Variants in PITPNC1 observed in about 807,000 individuals in gnomAD.
PITPNC1 encodes the protein phosphatidylinositol transfer protein cytoplasmic 1.
In PITPNC1, 18 loss-of-function variants were observed where a neutral mutation model predicts 44.7. The observed-to-expected ratio is 0.40, with a 90% CI of 0.28 to 0.60. The LOEUF (loss-of-function observed/expected upper bound fraction) is 0.60, where lower values mean the gene tolerates loss of function less well. PITPNC1 is among the 20% of genes least tolerant of loss of function. PITPNC1 has a pLI of 0.39. For synonymous variants in PITPNC1, 141 were observed against 149.6 expected (o/e 0.94, Z 0.42); for missense variants, 290 against 418.4 (o/e 0.69, Z 2.68).
At position 67,406,174 on chromosome 17, in the gene PITPNC1, C is replaced by T. The variant is rs570478810; in HGVS notation, c.48+27972C>T. Among the ~76,000 whole-genome samples the T allele has an allele frequency of 3.3e-5, 5 of 152,152 alleles. No individual in the cohort carries two copies. In the East Asian group the frequency reaches 7.8e-4, roughly 24 times the overall value. On this transcript the variant is annotated intron_variant, in intron 1 of 8. Coordinates refer to ENST00000581322, the MANE Select transcript of PITPNC1 (RefSeq NM_012417.4). ...TGGAGAATGGGTCTTGCTATGTTGC[C>T]GGGCTGGAGTACAGTGGCTTTTCAC...
intron 1 of PITPNC1, among the ~76,000 whole-genome samples, chr17:67,498,758 T>G (rs2039988725): frequency 6.6e-6 from 1 of 152,212 alleles, no homozygotes; most frequent in Non-Finnish European, 1.5e-5. Context: ...TGAGGTGATA[T>G]CCCATTGTGG....
intron 5 of PITPNC1, among the ~76,000 whole-genome samples, chr17:67,628,350 A>T (rs140848607): frequency 9.3e-4 from 142 of 152,270 alleles, no homozygotes; most frequent in Non-Finnish European, 1.6e-3. Flanking sequence ...AGCACTTTGT[A>T]TGCAATGGGT....
intron 1 of PITPNC1, among the ~76,000 whole-genome samples, chr17:67,392,433 G>A (rs371602531): frequency 2.0e-5 from 3 of 152,050 alleles, no homozygotes; most frequent in East Asian, 3.9e-4. Flanking sequence ...TAAAGAGACC[G>A]GGGTCTCGCC....
Position 67,552,241 on chromosome 17 carries a change from C to G in PITPNC1, c.198-16C>G, listed in dbSNP as rs774906366. 5.7e-6 allele frequency: 8 copies of G among 1,403,680 alleles called. No individual in the cohort carries two copies. The highest frequency in any genetic ancestry group is 7.1e-6 in the Non-Finnish European group (7 of 989,700). 87.0% of individuals were successfully genotyped at this position (1,403,680 alleles called of 1,614,324 possible). On this transcript the variant is annotated splice_polypyrimidine_tract_variant and intron_variant, in intron 2 of 8. Transcript: ENST00000581322. Reference sequence around the variant, plus strand: ...TGAACAGACTCCAATTGTCTTTTTTCTTTCTTTCCTCTTAGCAAACTGCCT... The same window carrying G: ...TGAACAGACTCCAATTGTCTTTTTTGTTTCTTTCCTCTTAGCAAACTGCCT...
intron 1 of PITPNC1, among the ~76,000 whole-genome samples, chr17:67,438,328 T>C (rs2038965899): frequency 1.3e-5 from 2 of 150,974 alleles, no homozygotes; most frequent in Non-Finnish European, 3.0e-5. Flanking sequence ...TTTTTTTTTT[T>C]TTTTCTGAGA....
intron 1 of PITPNC1, among the ~76,000 whole-genome samples, chr17:67,416,262 T>G (rs188601245): frequency 1.5e-5 from 2 of 136,242 alleles, no homozygotes; most frequent in East Asian, 4.3e-4. Context: ...CATGCTGGAG[T>G]GCAGTGGTGC....
At chr17:67,393,406 G>A (rs2038167888) in intron 1 of PITPNC1, among the ~76,000 whole-genome samples, 1 of 150,868 alleles carries the variant, frequency 6.6e-6, no homozygotes, top group Admixed American at 6.6e-5. Flanking sequence ...TATCTGATCA[G>A]GTTTTTTTTT....
chr17:67,458,164 C>T (rs1339179115), intron 1 of PITPNC1, among the ~76,000 whole-genome samples: 1 of 152,184 alleles, frequency 6.6e-6, no homozygotes, highest in African/African-American at 2.4e-5. Flanking sequence ...CATACCTACA[C>T]CATGGTCTGA....
chr17:67,431,278 C>G (rs1184460229), intron 1 of PITPNC1, among the ~76,000 whole-genome samples: 2 of 151,970 alleles, frequency 1.3e-5, no homozygotes, highest in East Asian at 1.9e-4. Context: ...AGGCTGGTCT[C>G]AAACTCCTGA....
intron 1 of PITPNC1, among the ~76,000 whole-genome samples, chr17:67,406,830 A>G (rs144700210): frequency 0.01 from 1,569 of 152,126 alleles, 19 homozygotes; most frequent in African/African-American, 0.035. Context: ...CAGGTGATCC[A>G]TCCACCTCAT....
At chr17:67,420,224 G>T (rs1269252396) in intron 1 of PITPNC1, among the ~76,000 whole-genome samples, 1 of 152,110 alleles carries the variant, frequency 6.6e-6, no homozygotes, top group Non-Finnish European at 1.5e-5. Context: ...CCAGTGCAGG[G>T]TTCTCAGGAA....
At chr17:67,437,320 G>T (rs187235856) in intron 1 of PITPNC1, among the ~76,000 whole-genome samples, 81 of 152,210 alleles carry the variant, frequency 5.3e-4, no homozygotes, top group African/African-American at 1.8e-3. Flanking sequence ...GTCCTTATAG[G>T]AAGGGGAGCG....
intron 1 of PITPNC1, chr17:67,525,521 AAG>A (rs1437018221): frequency 6.6e-6 from 1 of 152,232 alleles, no homozygotes; most frequent in African/African-American, 2.4e-5. Context: ...TTACCAGAAA[AAG>A]AGACAGCTCT....
At chr17:67,378,755 C>T (rs562033674) in intron 1 of PITPNC1, among the ~76,000 whole-genome samples, 45 of 152,324 alleles carry the variant, frequency 3.0e-4, no homozygotes, top group African/African-American at 1.0e-3. Flanking sequence ...GCTCCCGGCA[C>T]GTCCGCCCTT....
At chr17:67,565,968 G>T (rs1598828544) in intron 4 of PITPNC1, among the ~76,000 whole-genome samples, 1 of 151,576 alleles carries the variant, frequency 6.6e-6, no homozygotes, top group African/African-American at 2.4e-5. Flanking sequence ...TTTCAGTGTG[G>T]ATACTAGTCT....
chr17:67,675,560 A>C lies in PITPNC1; in HGVS notation c.682+18A>C. 1 of 1,547,324 alleles carries C rather than the reference A, an allele frequency of 6.5e-7. No homozygotes were observed. The highest frequency in any genetic ancestry group is 8.9e-7 in the Non-Finnish European group (1 of 1,119,240). Reference sequence around the variant, plus strand: ...GTGGTATGGTAAGTCAATTTCTCCAAAATAACTTGTAGAACAACTTCATGT... The same window carrying C: ...GTGGTATGGTAAGTCAATTTCTCCACAATAACTTGTAGAACAACTTCATGT... On this transcript the variant is annotated intron_variant, in intron 8 of 8. Transcript: ENST00000581322.
intron 6 of PITPNC1, among the ~76,000 whole-genome samples, chr17:67,658,501 C>G (rs2042299974): frequency 1.3e-5 from 2 of 152,154 alleles, no homozygotes; most frequent in Non-Finnish European, 2.9e-5. Flanking sequence ...ACCACCCCAC[C>G]CCCAGTATCC....
intron 6 of PITPNC1, among the ~76,000 whole-genome samples, chr17:67,659,970 C>G (rs2042320126): frequency 1.3e-5 from 2 of 152,088 alleles, no homozygotes; most frequent in African/African-American, 4.8e-5. Context: ...ACCTCCTCCC[C>G]CCAGGGTTCA....
chr17:67,406,533 A>G (rs939409673), intron 1 of PITPNC1, among the ~76,000 whole-genome samples: 1 of 151,922 alleles, frequency 6.6e-6, no homozygotes, highest in African/African-American at 2.4e-5. Context: ...GTGTTGCAGC[A>G]TGAAGCAGTA....
Sources: allele counts gnomAD v4.1 joint callset (sites outside exome capture counted in the v4.1 genomes callset), GRCh38; gene constraint gnomAD v4.1.1; transcripts MANE v1.5; gene names NCBI Gene and HGNC (gene_info 2026-07-23, HGNC 2026-07-21).